The following ABCA4 variants were observed in gnomAD, a reference collection of about 807,000 sequenced individuals.
ABCA4 encodes the protein ATP binding cassette subfamily A member 4, also known as retinal-specific phospholipid-transporting ATPase ABCA4.
In ABCA4, 196 loss-of-function variants were observed where a neutral mutation model predicts 263.7. The ratio of observed to expected loss-of-function variants is 0.74; its 90% CI spans 0.66 to 0.84. ABCA4 has a LOEUF of 0.84. Among genes scored for constraint, ABCA4 ranks in the 40% least tolerant of loss-of-function variants. The pLI is 0.00. For synonymous variants in ABCA4, 1,133 were observed against 1,094.2 expected (o/e 1.04, Z -0.70); for missense variants, 2,792 against 2,855.1 (o/e 0.98, Z 0.50).
intron 33 of ABCA4, 26 bp downstream of exon 33, chr1:94,021,819 AC>A (rs755517889): frequency 6.2e-7 from 1 of 1,612,262 alleles, no homozygotes; most frequent in Non-Finnish European, 8.5e-7. Flanking sequence ...CAAAAATCCT[AC>A]TCAAATCTCC....
At chr1:94,059,767 A>G (rs1661069139) in intron 14 of ABCA4, 1 of 152,450 alleles carries the variant, frequency 6.6e-6, no homozygotes, top group Non-Finnish European at 1.5e-5. Flanking sequence ...AATATAAAAA[A>G]TGACCTAAAT....
chr1:94,002,086 C>G, intron 44 of ABCA4, 94 bp from the exon 45 acceptor site: 2 of 1,581,062 alleles, frequency 1.3e-6, no homozygotes, highest in East Asian at 2.3e-5. Flanking sequence ...TCTCACGCCT[C>G]CAGAATGAAA....
At chr1:94,093,926 AC>A (rs1047349243) in intron 6 of ABCA4, among the ~76,000 whole-genome samples, 3 of 151,630 alleles carry the variant, frequency 2.0e-5, no homozygotes, top group African/African-American at 7.3e-5. Flanking sequence ...TTTTCATAAA[AC>A]CCCCCAAAAA....
At chr1:94,053,308 G>C (rs1660888513) in intron 16 of ABCA4, among the ~76,000 whole-genome samples, 1 of 152,222 alleles carries the variant, frequency 6.6e-6, no homozygotes, top group African/African-American at 2.4e-5. Context: ...AACCCGTGGA[G>C]TCTGTGTGAA....
chr1:94,030,335 G>T, intron 29 of ABCA4, 93 bp downstream of exon 29: 1 of 1,084,774 alleles, frequency 9.2e-7, no homozygotes, highest in Non-Finnish European at 1.4e-6. Context: ...GCAGGATTGA[G>T]TGGGGCCTCC....
chr1:94,028,906 CAAAAAAAAAAA>C (rs34738807), intron 30 of ABCA4, among the ~76,000 whole-genome samples: 2 of 37,654 alleles, frequency 5.3e-5, no homozygotes, highest in Admixed American at 7.5e-4. Context: ...GACTCTGTCT[CAAAAAAAAAAA>C]AAAAAAAAAA....
rs1661627221 is a variant in ABCA4, at chr1:94,079,400, C to A, written c.1161G>T (p.Trp387Cys). ...CCATCAGCAAAGGCTTTGCCGCCCT[C>A]CAAGCGATTTTGGTTAAAGGATTTG... ...LESNPLTKIAWRAAKPLLMGK... is the reference protein window; with the variant it reads ...LESNPLTKIACRAAKPLLMGK... The change falls in exon 9 of 50, where the codon TGG becomes TGT. Residue 387 changes from tryptophan to cysteine, a missense_variant. Physicochemically the swap from Trp to Cys is radical, Grantham distance 215. Transcript: ENST00000370225. The A allele has an allele frequency of 6.2e-7, 1 of 1,614,054 alleles. No individual in the cohort carries two copies. Among genetic ancestry groups the A allele is most frequent in the Non-Finnish European group, 8.5e-7 (1 of 1,180,050 alleles).
At chr1:94,092,011 G>T (rs544704842) in intron 6 of ABCA4, among the ~76,000 whole-genome samples, 4 of 152,314 alleles carry the variant, frequency 2.6e-5, no homozygotes, top group African/African-American at 9.6e-5. Context: ...TGATGCTTTG[G>T]ATCAAATGTG....
intron 11 of ABCA4, among the ~76,000 whole-genome samples, chr1:94,067,476 A>C (rs78325475): frequency 1.3e-5 from 2 of 152,268 alleles, no homozygotes; most frequent in East Asian, 1.9e-4. Flanking sequence ...CTCTGGGGGA[A>C]AAAAAACTTA....
At chr1:93,996,853 G>A (rs1383384067) in intron 48 of ABCA4, among the ~76,000 whole-genome samples, 1 of 152,192 alleles carries the variant, frequency 6.6e-6, no homozygotes, top group Non-Finnish European at 1.5e-5. Flanking sequence ...TGAACCTTGA[G>A]GACATTATGC....
chr1:94,075,682 C>T (rs1661520630), intron 11 of ABCA4, among the ~76,000 whole-genome samples: 1 of 152,220 alleles, frequency 6.6e-6, no homozygotes, highest in Non-Finnish European at 1.5e-5. Flanking sequence ...GAGTTTATTC[C>T]CTCTCCTACT....
At chr1:94,070,186 C>T (rs1661368501) in intron 11 of ABCA4, among the ~76,000 whole-genome samples, 1 of 152,218 alleles carries the variant, frequency 6.6e-6, no homozygotes, top group African/African-American at 2.4e-5. Context: ...CACAAACACC[C>T]ATTTCAGCCA....
intron 40 of ABCA4, 147 bp from the exon 41 acceptor site, chr1:94,009,018 G>A: frequency 8.6e-7 from 1 of 1,159,464 alleles, no homozygotes; most frequent in Non-Finnish European, 1.2e-6. Flanking sequence ...AGGGCTCCCA[G>A]CAGGAGAGGC....
intron 47 of ABCA4, among the ~76,000 whole-genome samples, chr1:93,998,401 A>G (rs1265027893): frequency 6.6e-6 from 1 of 152,170 alleles, no homozygotes; most frequent in Non-Finnish European, 1.5e-5. Context: ...GGATCACTTG[A>G]GCATAGGAGG....
intron 18 of ABCA4, among the ~76,000 whole-genome samples, chr1:94,047,542 T>C (rs763613298): frequency 2.0e-5 from 3 of 152,202 alleles, no homozygotes; most frequent in Non-Finnish European, 4.4e-5. Context: ...TAGGCCCTCA[T>C]TGCCAACAGT....
intron 17 of ABCA4, among the ~76,000 whole-genome samples, chr1:94,050,006 C>G (rs1660790402): frequency 6.6e-6 from 1 of 152,218 alleles, no homozygotes; most frequent in Non-Finnish European, 1.5e-5. Flanking sequence ...CTCTCGGCCT[C>G]AAGTGCACAT....
chr1:94,027,965 G>A (rs934868143), intron 30 of ABCA4, among the ~76,000 whole-genome samples: 1 of 152,206 alleles, frequency 6.6e-6, no homozygotes, highest in African/African-American at 2.4e-5. Context: ...TTAGATGAGT[G>A]AGAAACAAGT....
At chr1:94,066,457 C>T (rs4140392) in intron 11 of ABCA4, among the ~76,000 whole-genome samples, 39,101 of 152,066 alleles carry the variant, frequency 0.26, 5,644 homozygotes, top group East Asian at 0.68. Flanking sequence ...ATTCCTAAAA[C>T]GAAAAACAAA....
intron 2 of ABCA4, among the ~76,000 whole-genome samples, chr1:94,112,735 C>T (rs930589653): frequency 6.6e-6 from 1 of 152,224 alleles, no homozygotes; most frequent in South Asian, 2.1e-4. Context: ...ATAGAAGCTG[C>T]AGTGTGCCAT....
Sources: gnomAD v4.1 joint callset for allele counts (sites outside exome capture counted in the v4.1 genomes callset) on GRCh38, gnomAD v4.1.1 for gene constraint, MANE v1.5 for transcripts, NCBI Gene and HGNC (gene_info 2026-07-23, HGNC 2026-07-21) for gene names.